SNX9: variants seen among roughly 807,000 people sequenced by gnomAD.
The protein encoded by SNX9 is sorting nexin-9.
A neutral mutation model predicts 89.4 loss-of-function variants in SNX9; 44 were observed. The observed-to-expected ratio is 0.49, with a 90% CI of 0.39 to 0.63. The LOEUF (loss-of-function observed/expected upper bound fraction) is 0.63, where lower values mean the gene tolerates loss of function less well. Ranked by LOEUF, SNX9 falls within the 30% of genes least tolerant of loss-of-function variation. The probability of loss-of-function intolerance (pLI) is 0.00; values close to 1 mark genes in which losing one functional copy is unlikely to be tolerated. For synonymous variants in SNX9, 236 were observed against 247.8 expected (o/e 0.95, Z 0.45); for missense variants, 578 against 736.1 (o/e 0.79, Z 2.49).
chr6:157,886,029 A>G (rs2115152171), intron 4 of SNX9, among the ~76,000 whole-genome samples: 1 of 152,314 alleles, frequency 6.6e-6, no homozygotes, highest in Non-Finnish European at 1.5e-5. Context: ...TGTAGTTACG[A>G]TGGAGACAGA....
intron 1 of SNX9, chr6:157,829,376 A>G (rs909813903): frequency 2.0e-5 from 3 of 152,174 alleles, no homozygotes; most frequent in Admixed American, 6.5e-5. Flanking sequence ...ATTAAAATCA[A>G]TACTGTACCT....
At chr6:157,889,448 A>AT (rs1228310535) in intron 4 of SNX9, among the ~76,000 whole-genome samples, 2 of 151,662 alleles carry the variant, frequency 1.3e-5, no homozygotes, top group Non-Finnish European at 2.9e-5. Flanking sequence ...AAAAAAAAAA[A>AT]AAAGACACCA....
At chr6:157,916,281 G>T (rs567981865) in intron 9 of SNX9, among the ~76,000 whole-genome samples, 2 of 152,072 alleles carry the variant, frequency 1.3e-5, no homozygotes, top group Non-Finnish European at 2.9e-5. Context: ...TGATTCACCC[G>T]CCTCGGCCTC....
intron 10 of SNX9, among the ~76,000 whole-genome samples, chr6:157,926,654 C>T (rs186344518): frequency 2.1e-4 from 32 of 151,640 alleles, no homozygotes; most frequent in Admixed American, 1.7e-3. Flanking sequence ...TGGTGGCATG[C>T]GCCTAAAGTC....
intron 8 of SNX9, 25 bp from the exon 9 acceptor site, chr6:157,909,883 C>T (rs1451663166): frequency 3.7e-6 from 6 of 1,612,454 alleles, no homozygotes; most frequent in Non-Finnish European, 5.1e-6. Flanking sequence ...CATTGGTAAC[C>T]TTTTCTCTTT....
At chr6:157,865,501 G>C (rs375792081) in intron 1 of SNX9, among the ~76,000 whole-genome samples, 1 of 152,268 alleles carries the variant, frequency 6.6e-6, no homozygotes, top group South Asian at 2.1e-4. Context: ...ATCTCCACTC[G>C]GGTCCCAGCC....
At chr6:157,900,325 T>C (rs1409010710) in intron 5 of SNX9, among the ~76,000 whole-genome samples, 1 of 152,196 alleles carries the variant, frequency 6.6e-6, no homozygotes, top group Non-Finnish European at 1.5e-5. Context: ...TTTTATTTGC[T>C]ATTGAATTGT....
intron 1 of SNX9, among the ~76,000 whole-genome samples, chr6:157,851,280 AATAAAT>A (rs1277649415): frequency 1.3e-5 from 2 of 151,834 alleles, no homozygotes; most frequent in Non-Finnish European, 2.9e-5. Context: ...CCCTAAAATA[AATAAAT>A]ATAAATAAAC....
intron 1 of SNX9, among the ~76,000 whole-genome samples, chr6:157,853,066 TG>T (rs1269731370): frequency 1.3e-5 from 2 of 151,980 alleles, no homozygotes; most frequent in Non-Finnish European, 2.9e-5. Flanking sequence ...TTCTTTTGTG[TG>T]GATTCAGTTT....
At chr6:157,867,389 A>C (rs1027712400) in intron 1 of SNX9, among the ~76,000 whole-genome samples, 158 bp from the exon 2 acceptor site, 1 of 152,258 alleles carries the variant, frequency 6.6e-6, no homozygotes, top group Non-Finnish European at 1.5e-5. Flanking sequence ...AGAGTAGAGC[A>C]GATGAGTCAT....
In SNX9 at chr6:157,909,943, C is replaced by T. The variant is rs1783303993; in HGVS notation, c.867C>T (p.His289=). ...TNRSVNHRYK[H]FDWLYERLLV... The stretch of plus-strand genomic sequence containing the variant: ...GATCTGTAAACCACAGGTATAAGCA[C>T]TTTGACTGGTTATATGAGCGTCTCC... Residue 289 remains histidine, a synonymous_variant, in exon 9 of 18, where the codon CAC becomes CAT. Transcript: ENST00000392185. The T allele has an allele frequency of 6.2e-7, 1 of 1,614,162 alleles. No individual in the cohort carries two copies. The highest frequency in any genetic ancestry group is 1.1e-5 in the South Asian group (1 of 91,080).
chr6:157,903,207 A>G (rs1038682102), intron 6 of SNX9, among the ~76,000 whole-genome samples: 1 of 152,100 alleles, frequency 6.6e-6, no homozygotes, highest in African/African-American at 2.4e-5. Context: ...CCAATATTCC[A>G]ATTCCATGAT....
At chr6:157,924,878 G>T (rs560477597) in intron 10 of SNX9, among the ~76,000 whole-genome samples, 5 of 152,274 alleles carry the variant, frequency 3.3e-5, no homozygotes, top group Admixed American at 1.3e-4. Flanking sequence ...AGTTTTCATT[G>T]TATATGGTCT....
chr6:157,917,732 T>G (rs904200049), intron 9 of SNX9, among the ~76,000 whole-genome samples: 3 of 152,126 alleles, frequency 2.0e-5, no homozygotes, highest in Admixed American at 1.3e-4. Flanking sequence ...CCTAATACAA[T>G]GTAAATGCTA....
chr6:157,902,649 C>CA (rs374190155), intron 6 of SNX9, among the ~76,000 whole-genome samples: 6 of 146,402 alleles, frequency 4.1e-5, no homozygotes, highest in Non-Finnish European at 4.5e-5. Context: ...AGATTTAAAA[C>CA]AAAAAAAAAA....
rs944411529 is a variant in SNX9, at chr6:157,866,800, AATCTTAGATGTGTGTGCGTGTGTGT to A, written c.13-744_13-720del. On this transcript the variant is annotated intron_variant, in intron 1 of 17. Coordinates refer to ENST00000392185, the MANE Select transcript of SNX9 (RefSeq NM_016224.5). Reference sequence around the variant, plus strand: ...CAAGCGATTCTTCTAAAGATGTGTGAATCTTAGATGTGTGTGCGTGTGTGTATGTCTCTGTCTTCAGTTTCTGAGA... The same window carrying A: ...CAAGCGATTCTTCTAAAGATGTGTGAATGTCTCTGTCTTCAGTTTCTGAGA... Among the ~76,000 whole-genome samples the A allele has an allele frequency of 2.4e-4, 36 of 152,262 alleles. No individual in the cohort carries two copies. The East Asian group carries it at 6.7e-3, about 29-fold the overall frequency.
chr6:157,920,585 C>G (rs1783563434), intron 9 of SNX9, among the ~76,000 whole-genome samples: 1 of 152,204 alleles, frequency 6.6e-6, no homozygotes, highest in Non-Finnish European at 1.5e-5. Context: ...AAGTTCAGTT[C>G]TTCAAGCATA....
At chr6:157,927,038 G>A in intron 10 of SNX9, 73 bp from the exon 11 acceptor site, 1 of 1,122,390 alleles carries the variant, frequency 8.9e-7, no homozygotes, top group Non-Finnish European at 1.4e-6. Flanking sequence ...AAATGAGCTG[G>A]TCCTGTTTGG....
chr6:157,851,053 CAA>C (rs975754631), intron 1 of SNX9, among the ~76,000 whole-genome samples: 1 of 152,006 alleles, frequency 6.6e-6, no homozygotes, highest in African/African-American at 2.4e-5. Flanking sequence ...GCCAGGAGTT[CAA>C]GACCAACCTG....
Sources: allele counts gnomAD v4.1 joint callset (sites outside exome capture counted in the v4.1 genomes callset), GRCh38; gene constraint gnomAD v4.1.1; transcripts MANE v1.5; gene names NCBI Gene and HGNC (gene_info 2026-07-23, HGNC 2026-07-21).